The following GRIN2A variants were observed in gnomAD, a reference collection of about 807,000 sequenced individuals.
GRIN2A encodes the protein glutamate receptor ionotropic, NMDA 2A.
GRIN2A carries 22 observed loss-of-function variants against 113.4 expected under a neutral mutation model. That is an observed-to-expected ratio of 0.19 (90% CI 0.14 to 0.28). The LOEUF is 0.28. Among genes scored for constraint, GRIN2A ranks in the 10% least tolerant of loss-of-function variants. The pLI, the probability that GRIN2A is intolerant of heterozygous loss-of-function variation, is 1.00. For missense variants in GRIN2A, 1,502 were observed against 1,887.0 expected, an observed-to-expected ratio of 0.80 and a Z score of 3.78; for synonymous variants, 827 against 738.4, an observed-to-expected ratio of 1.12 and a Z score of -1.94.
chr16:10,126,700 T>A (rs1040420688), intron 2 of GRIN2A, among the ~76,000 whole-genome samples: 5 of 152,176 alleles, frequency 3.3e-5, no homozygotes, highest in Middle Eastern at 3.2e-3. Flanking sequence ...TGGTTTCTGT[T>A]AATTTTCTTT....
chr16:10,120,445 C>T (rs1421009241), intron 2 of GRIN2A, among the ~76,000 whole-genome samples: 2 of 152,204 alleles, frequency 1.3e-5, no homozygotes, highest in Non-Finnish European at 2.9e-5. Flanking sequence ...TTATAACTTT[C>T]TCCGTTCTCC....
At chr16:9,897,476 A>G (rs1362952187) in intron 3 of GRIN2A, among the ~76,000 whole-genome samples, 8 of 152,264 alleles carry the variant, frequency 5.3e-5, no homozygotes, top group Non-Finnish European at 1.0e-4. Context: ...CTATCACGTT[A>G]GATAGCCAGC....
intron 4 of GRIN2A, among the ~76,000 whole-genome samples, chr16:9,866,375 T>C (rs2043160512): frequency 6.6e-6 from 1 of 152,020 alleles, no homozygotes; most frequent in Non-Finnish European, 1.5e-5. Flanking sequence ...CACAAAAGCT[T>C]AGAAGCTGAG....
chr16:10,089,517 G>A (rs9925689), intron 2 of GRIN2A, among the ~76,000 whole-genome samples: 3,674 of 152,198 alleles, frequency 0.024, 139 homozygotes, highest in African/African-American at 0.083. Context: ...GTTTAGGAAC[G>A]ATTTTTCTAA....
intron 4 of GRIN2A, among the ~76,000 whole-genome samples, chr16:9,867,296 G>A (rs971144797): frequency 7.2e-5 from 11 of 151,930 alleles, no homozygotes; most frequent in African/African-American, 2.7e-4. Flanking sequence ...TTTCCTAATT[G>A]CATCTCTCCC....
chr16:10,177,271 C>G (rs555396679), intron 2 of GRIN2A, among the ~76,000 whole-genome samples: 1 of 152,196 alleles, frequency 6.6e-6, no homozygotes, highest in Non-Finnish European at 1.5e-5. Flanking sequence ...TCTCAAAATA[C>G]GACCTTTTAA....
rs142133015 is a variant in GRIN2A, at chr16:10,073,787, G to A, written c.414+106211C>T. 5.1e-3 allele frequency among the ~76,000 whole-genome samples: 778 copies of A among 151,490 alleles called. 3 individuals carry two copies. Among genetic ancestry groups the A allele is most frequent in the Non-Finnish European group, 9.0e-3 (609 of 67,894 alleles). On this transcript the variant is annotated intron_variant, in intron 2 of 12. Transcript: ENST00000330684. ...AAAATTAGCCGGGCAACAGTAGCAC[G>A]TGCCTGTAATCCCAGCTACTCAGGA...
At chr16:9,779,232 C>G (rs912822453) in intron 11 of GRIN2A, among the ~76,000 whole-genome samples, 1 of 152,228 alleles carries the variant, frequency 6.6e-6, no homozygotes, top group Non-Finnish European at 1.5e-5. Flanking sequence ...GGGCTTCAGC[C>G]ATTTGGGTGT....
chr16:9,858,003 A>G (rs1469433841), intron 4 of GRIN2A, among the ~76,000 whole-genome samples: 1 of 152,162 alleles, frequency 6.6e-6, no homozygotes, highest in Non-Finnish European at 1.5e-5. Context: ...TGGTTATAGC[A>G]TATTCATTTT....
intron 2 of GRIN2A, among the ~76,000 whole-genome samples, chr16:10,126,830 T>C (rs1222985299): frequency 2.6e-5 from 4 of 152,218 alleles, no homozygotes; most frequent in Non-Finnish European, 5.9e-5. Context: ...ATGTCCAAGA[T>C]GTCTCAGAAA....
intron 2 of GRIN2A, among the ~76,000 whole-genome samples, chr16:10,014,429 C>G (rs2046565339): frequency 6.6e-6 from 1 of 152,178 alleles, no homozygotes; most frequent in African/African-American, 2.4e-5. Flanking sequence ...GTACACATTT[C>G]TTAGAAAACT....
intron 2 of GRIN2A, among the ~76,000 whole-genome samples, chr16:10,023,028 T>G (rs1045861443): frequency 3.9e-5 from 6 of 152,174 alleles, no homozygotes; most frequent in Admixed American, 3.9e-4. Flanking sequence ...CAGGGGGATA[T>G]AGCTTAACTT....
At chr16:9,881,661 T>A (rs1453214970) in intron 4 of GRIN2A, among the ~76,000 whole-genome samples, 1 of 152,170 alleles carries the variant, frequency 6.6e-6, no homozygotes, top group Non-Finnish European at 1.5e-5. Context: ...ATTCTCCAAA[T>A]CCTTATTGAG....
chr16:10,093,080 C>G (rs2048214270), intron 2 of GRIN2A, among the ~76,000 whole-genome samples: 1 of 152,020 alleles, frequency 6.6e-6, no homozygotes. Context: ...CTCAAGTGAT[C>G]CACCCGCCTC....
intron 3 of GRIN2A, among the ~76,000 whole-genome samples, chr16:9,904,594 G>A (rs1596564407): frequency 1.3e-5 from 2 of 152,182 alleles, no homozygotes; most frequent in Non-Finnish European, 2.9e-5. Context: ...GCTGCTCTCA[G>A]TCTCCTGGCC....
intron 2 of GRIN2A, among the ~76,000 whole-genome samples, chr16:10,047,259 G>C (rs1441335378): frequency 6.6e-6 from 1 of 152,132 alleles, no homozygotes; most frequent in Admixed American, 6.6e-5. Context: ...TTTGGTAGCA[G>C]ATAGATCTAG....
chr16:9,940,061 AGTGTGT>A (rs56116543), intron 2 of GRIN2A, among the ~76,000 whole-genome samples: 1 of 142,898 alleles, frequency 7.0e-6, no homozygotes, highest in Non-Finnish European at 1.5e-5. Context: ...AGAGAGAGAG[AGTGTGT>A]GTGTGTGTGT....
At chr16:9,917,844 T>A (rs984734131) in intron 3 of GRIN2A, among the ~76,000 whole-genome samples, 1 of 152,238 alleles carries the variant, frequency 6.6e-6, no homozygotes, top group African/African-American at 2.4e-5. Flanking sequence ...TTGCTCCTTC[T>A]GCACTCTCTT....
At chr16:9,901,472 T>C (rs556835191) in intron 3 of GRIN2A, among the ~76,000 whole-genome samples, 1 of 152,314 alleles carries the variant, frequency 6.6e-6, no homozygotes, top group East Asian at 1.9e-4. Context: ...ATTATATATA[T>C]ATTTTTGAGA....
Sources: allele counts gnomAD v4.1 joint callset (sites outside exome capture counted in the v4.1 genomes callset), GRCh38; gene constraint gnomAD v4.1.1; transcripts MANE v1.5; gene names NCBI Gene and HGNC (gene_info 2026-07-23, HGNC 2026-07-21).